MSI2: variants seen among roughly 807,000 people sequenced by gnomAD.
MSI2 encodes the protein musashi RNA binding protein 2.
MSI2 carries 17 observed loss-of-function variants against 45.6 expected under a neutral mutation model. The observed-to-expected ratio is 0.37, with a 90% confidence interval of 0.26 to 0.56. The LOEUF is 0.56. Among genes scored for constraint, MSI2 ranks in the 20% least tolerant of loss-of-function variants. The pLI, the probability that MSI2 is intolerant of heterozygous loss-of-function variation, is 0.77. For missense variants in MSI2, 293 were observed against 444.2 expected (o/e 0.66, Z 3.06); for synonymous variants, 156 against 158.2 (o/e 0.99, Z 0.11).
intron 6 of MSI2, among the ~76,000 whole-genome samples, chr17:57,459,956 C>T (rs2085192177): frequency 6.6e-6 from 1 of 151,920 alleles, no homozygotes. Context: ...TTGTGAAACC[C>T]CGTCTCTACT....
chr17:57,554,102 ATCCGGGT>A (rs2144203943), intron 7 of MSI2, among the ~76,000 whole-genome samples: 1 of 152,058 alleles, frequency 6.6e-6, no homozygotes, highest in African/African-American at 2.4e-5. Flanking sequence ...TCCTCATGGG[ATCCGGGT>A]GCTAATAAAG....
chr17:57,256,481 G>C (rs1598031450), upstream of MSI2: 1 of 259,054 alleles, frequency 3.9e-6, no homozygotes, highest in Admixed American at 5.6e-5. Context: ...GAGGAGGAGG[G>C]GGAGAGGTGG....
chr17:57,570,379 A>G (rs2087845857), intron 7 of MSI2, among the ~76,000 whole-genome samples: 1 of 152,176 alleles, frequency 6.6e-6, no homozygotes, highest in Non-Finnish European at 1.5e-5. Flanking sequence ...GAAATTCTCC[A>G]CACTTTCACC....
chr17:57,698,784 G>C, the MSI2 span, among the ~76,000 whole-genome samples: 12 of 152,042 alleles, frequency 7.9e-5, no homozygotes, highest in African/African-American at 2.9e-4. Flanking sequence ...AAAGATACAA[G>C]GAGTAAAGTT....
chr17:57,652,232 C>G lies in MSI2; in HGVS notation c.790+71C>G. ...GTGCAGGGGGAGGTCAAGGCCCTGT[C>G]GGATCTGTGTGGCTGCATCTGTCCA... On this transcript the variant is annotated intron_variant, in intron 11 of 13. Coordinates refer to ENST00000284073, the MANE Select transcript of MSI2 (RefSeq NM_138962.4). This position sits in a 1 kb window ranked among gnomAD's most constrained non-coding sequence, Gnocchi z 4.1. 2 of 1,427,834 alleles carry G rather than the reference C, an allele frequency of 1.4e-6. No individual in the cohort carries two copies. The highest frequency in any genetic ancestry group is 2.0e-6 in the Non-Finnish European group (2 of 1,013,912). The allele number at this position is 1,427,834 out of a possible 1,614,324, so 88.4% of individuals were successfully genotyped here. A position where few individuals can be genotyped will look rare whatever the true frequency, so the allele number is the denominator to read the frequency against.
chr17:57,503,456 T>C (rs770744520), intron 6 of MSI2, among the ~76,000 whole-genome samples: 9 of 152,272 alleles, frequency 5.9e-5, no homozygotes, highest in Admixed American at 1.3e-4. Context: ...GTTTCTGCCA[T>C]GTATATATGA....
chr17:57,551,825 T>C (rs935009102), intron 7 of MSI2, among the ~76,000 whole-genome samples: 2 of 152,148 alleles, frequency 1.3e-5, no homozygotes, highest in Non-Finnish European at 2.9e-5. Context: ...GTCCATTGCT[T>C]GGGGCAAGGA....
At chr17:57,514,719 G>A (rs925340694) in intron 6 of MSI2, among the ~76,000 whole-genome samples, 8 of 150,022 alleles carry the variant, frequency 5.3e-5, no homozygotes, top group Admixed American at 2.0e-4. Context: ...TTCCCCCTTA[G>A]GGTGTTGTGT....
At position 57,511,268 on chromosome 17, in the gene MSI2, G is replaced by A. The variant is rs142254082; in HGVS notation, c.406-18408G>A. 3.8e-3 allele frequency among the ~76,000 whole-genome samples: 574 copies of A among 152,308 alleles called. 5 individuals are homozygous for A. The highest frequency in any genetic ancestry group is 0.013 in the African/African-American group (559 of 41,566). ...AGGAACTTACCATGGTCATGCAGAC[G>A]TCAGGGTGGAACAAAGGAAGGCGCA... On this transcript the variant is annotated intron_variant, in intron 6 of 13. Transcript: ENST00000284073.
At chr17:57,685,252 C>G (rs559139561), downstream of MSI2, among the ~76,000 whole-genome samples, 1 of 152,268 alleles carries the variant, frequency 6.6e-6, no homozygotes, top group South Asian at 2.1e-4. Context: ...CGAGAGGATA[C>G]AAAAGAATTG....
Position 57,568,394 on chromosome 17 carries a change from G to A in MSI2, c.455-28474G>A, listed in dbSNP as rs183748145. ...GCCCCTAGGGAAAATACTGGCCATG[G>A]CATAATCCAGTGGCACAATCCTGTC... is the stretch of plus-strand genomic sequence containing the variant. On this transcript the variant is annotated intron_variant, in intron 7 of 13. Coordinates refer to ENST00000284073, the MANE Select transcript of MSI2 (RefSeq NM_138962.4). Among the ~76,000 whole-genome samples, 9 of 152,258 alleles carry A rather than the reference G, an allele frequency of 5.9e-5. No homozygotes were observed. In the East Asian group the frequency reaches 1.5e-3, roughly 26 times the overall value.
chr17:57,401,890 C>G (rs911069357), intron 6 of MSI2, among the ~76,000 whole-genome samples: 2 of 152,156 alleles, frequency 1.3e-5, no homozygotes, highest in South Asian at 2.1e-4. Flanking sequence ...AGAGCTGAGT[C>G]TCCCTGGGGC....
At chr17:57,452,484 G>A (rs1232569731) in intron 6 of MSI2, among the ~76,000 whole-genome samples, 1 of 152,252 alleles carries the variant, frequency 6.6e-6, no homozygotes, top group Non-Finnish European at 1.5e-5. Flanking sequence ...AGGCCTGTTA[G>A]TGGGTCCTGG....
At chr17:57,292,475 A>T (rs570947925) in intron 5 of MSI2, among the ~76,000 whole-genome samples, 330 of 152,256 alleles carry the variant, frequency 2.2e-3, no homozygotes, top group African/African-American at 7.4e-3. Context: ...TGGTGACTCC[A>T]GTGGGGTTGG....
intron 6 of MSI2, among the ~76,000 whole-genome samples, chr17:57,500,807 A>G (rs2143864456): frequency 6.6e-6 from 1 of 151,446 alleles, no homozygotes; most frequent in South Asian, 2.1e-4. Flanking sequence ...AAAAAAAAAA[A>G]AAGGATTAGC....
At chr17:57,392,261 C>T (rs1414886609) in intron 5 of MSI2, among the ~76,000 whole-genome samples, 1 of 152,126 alleles carries the variant, frequency 6.6e-6, no homozygotes, top group Admixed American at 6.5e-5. Flanking sequence ...GACAGGTCAC[C>T]CCTGTGGCTG....
chr17:57,412,862 A>G (rs1008242276), intron 6 of MSI2, among the ~76,000 whole-genome samples: 21 of 152,222 alleles, frequency 1.4e-4, no homozygotes, highest in African/African-American at 5.1e-4. Flanking sequence ...TCATCTGTTT[A>G]CTAGCTTGGT....
chr17:57,378,079 AAAAAAAAAAG>A lies in MSI2; in HGVS notation c.313-23289_313-23280del, dbSNP rs559011087. ...GACAGAGCGAGACATCATCTCAAAA[AAAAAAAAAAG>A]AAAAAAAAAGTGAAGGCATTATGGA... On this transcript the variant is annotated intron_variant, in intron 5 of 13. Transcript: ENST00000284073. 2.1e-4 allele frequency among the ~76,000 whole-genome samples: 32 copies of A among 151,950 alleles called. 1 individual carries two copies. The South Asian group carries it at 6.4e-3, about 31-fold the overall frequency.
At chr17:57,617,428 G>A (rs1907827099) in intron 9 of MSI2, among the ~76,000 whole-genome samples, 1 of 152,050 alleles carries the variant, frequency 6.6e-6, no homozygotes, top group African/African-American at 2.4e-5. Context: ...AAAACAGTAT[G>A]GTATATGGGA....
Sources: gnomAD v4.1 joint callset for allele counts (sites outside exome capture counted in the v4.1 genomes callset) on GRCh38, gnomAD v4.1.1 for gene constraint, Gnocchi (gnomAD v3.1) non-coding constraint, MANE v1.5 for transcripts, NCBI Gene and HGNC (gene_info 2026-07-23, HGNC 2026-07-21) for gene names.